Variants in CNTN4 observed in about 807,000 individuals in gnomAD.
CNTN4 encodes the protein contactin-4.
CNTN4 carries 77 observed loss-of-function variants against 122.5 expected under a neutral mutation model. That is an observed-to-expected ratio of 0.63 (90% CI 0.52 to 0.76). The LOEUF is 0.76. CNTN4 is among the 30% of genes least tolerant of loss of function. The pLI, the probability that CNTN4 is intolerant of heterozygous loss-of-function variation, is 0.00. For synonymous variants in CNTN4, 512 were observed against 447.0 expected (o/e 1.15, Z -1.83); for missense variants, 1,256 against 1,259.1 (o/e 1.00, Z 0.04).
chr3:2,575,753 C>A (rs557424884), intron 4 of CNTN4, among the ~76,000 whole-genome samples: 1 of 150,170 alleles, frequency 6.7e-6, no homozygotes, highest in Admixed American at 6.6e-5. Context: ...TGCTTGATTT[C>A]TCCTCAAAGC....
chr3:3,043,205 C>A, intron 22 of CNTN4, 42 bp downstream of exon 22: 1 of 1,569,794 alleles, frequency 6.4e-7, no homozygotes, highest in Non-Finnish European at 8.8e-7. Context: ...GGATTCATCA[C>A]ACATATCCCA....
intron 2 of CNTN4, among the ~76,000 whole-genome samples, chr3:2,164,036 G>T (rs959014779): frequency 6.6e-6 from 1 of 152,090 alleles, no homozygotes; most frequent in East Asian, 1.9e-4. Flanking sequence ...AGGGTAGGAG[G>T]TGGATGGGGG....
At chr3:2,236,625 A>T (rs1394096391) in intron 2 of CNTN4, among the ~76,000 whole-genome samples, 3 of 152,198 alleles carry the variant, frequency 2.0e-5, no homozygotes, top group African/African-American at 7.2e-5. Context: ...AATGTTAATT[A>T]TTTCCCTTGG....
At chr3:2,882,366 GAAAA>G (rs950535560) in intron 8 of CNTN4, among the ~76,000 whole-genome samples, 1 of 131,752 alleles carries the variant, frequency 7.6e-6, no homozygotes, top group Non-Finnish European at 1.6e-5. Flanking sequence ...ACTTCGTCTC[GAAAA>G]AAAAAAAAAG....
Position 3,037,208 on chromosome 3 carries a change from A to T in CNTN4, c.1972A>T (p.Thr658Ser). The T allele has an allele frequency of 6.2e-7, 1 of 1,614,168 alleles. No homozygotes were observed. Among genetic ancestry groups the T allele is most frequent in the Admixed American group, 1.7e-5 (1 of 60,022 alleles). Residue 658 changes from threonine (T) to serine (S), a missense_variant, in exon 18 of 25, where the codon ACA becomes TCA. Transcript: ENST00000418658. ...VPELIDGKTFTATVVGLNPWV... is the reference protein window; with the variant it reads ...VPELIDGKTFSATVVGLNPWV... Reference sequence around the variant, plus strand: ...AGAACTCATTGATGGGAAGACATTCACAGCGACCGTGGTGGGTTTGAACCC... The same window carrying T: ...AGAACTCATTGATGGGAAGACATTCTCAGCGACCGTGGTGGGTTTGAACCC...
rs777436418 is a variant in CNTN4, at chr3:3,034,741, C to T, written c.1893C>T (p.Val631=). ...ACCACAGCCCCATCACCATGTATGT[C>T]ATTCAAGCCAGGACTCCATTCTCCG... ...PDNHSPITMY[V]IQARTPFSVG... Residue 631 remains valine (V), a synonymous_variant, in exon 17 of 25, where the codon GTC becomes GTT. Coordinates refer to ENST00000418658, the MANE Select transcript of CNTN4 (RefSeq NM_175607.3). 1 of 1,614,116 alleles carries T rather than the reference C, an allele frequency of 6.2e-7. No individual in the cohort carries two copies. Among genetic ancestry groups the T allele is most frequent in the South Asian group, 1.1e-5 (1 of 91,076 alleles).
chr3:2,989,716 T>C (rs1694892179), intron 14 of CNTN4, among the ~76,000 whole-genome samples: 2 of 152,344 alleles, frequency 1.3e-5, no homozygotes, highest in South Asian at 4.1e-4. Flanking sequence ...AGTGTATGAC[T>C]GACTGCTTGT....
intron 4 of CNTN4, among the ~76,000 whole-genome samples, chr3:2,591,295 C>T (rs1446208008): frequency 3.3e-5 from 5 of 149,916 alleles, no homozygotes; most frequent in African/African-American, 1.2e-4. Flanking sequence ...AAATACAAGT[C>T]AAGTGCTTAG....
intron 4 of CNTN4, among the ~76,000 whole-genome samples, chr3:2,690,540 G>T (rs1472897291): frequency 2.6e-5 from 4 of 152,082 alleles, no homozygotes; most frequent in Non-Finnish European, 5.9e-5. Context: ...CATGAAAGAG[G>T]TTGCTGTTGC....
intron 13 of CNTN4, among the ~76,000 whole-genome samples, chr3:2,930,565 G>C (rs1406689433): frequency 6.6e-6 from 1 of 152,110 alleles, no homozygotes; most frequent in South Asian, 2.1e-4. Flanking sequence ...TATGCTTAAG[G>C]GTTTCCCCCC....
chr3:2,400,953 A>G (rs1409781981), intron 3 of CNTN4, among the ~76,000 whole-genome samples: 2 of 149,026 alleles, frequency 1.3e-5, no homozygotes, highest in African/African-American at 2.4e-5. Flanking sequence ...TAGACTTCTT[A>G]TAGGATAGGT....
chr3:2,314,927 A>G (rs1217927640), intron 2 of CNTN4, among the ~76,000 whole-genome samples: 1 of 152,052 alleles, frequency 6.6e-6, no homozygotes, highest in Non-Finnish European at 1.5e-5. Context: ...AAGTTATTAT[A>G]TCATGTTTCA....
At chr3:2,206,077 A>T (rs1162579594) in intron 2 of CNTN4, among the ~76,000 whole-genome samples, 1 of 152,116 alleles carries the variant, frequency 6.6e-6, no homozygotes, top group Non-Finnish European at 1.5e-5. Flanking sequence ...TTTTATAGAT[A>T]CAAGCTCTTA....
intron 2 of CNTN4, among the ~76,000 whole-genome samples, chr3:2,323,971 C>T (rs1480632586): frequency 6.6e-6 from 1 of 152,152 alleles, no homozygotes; most frequent in Non-Finnish European, 1.5e-5. Flanking sequence ...TAGAGAAGGG[C>T]TTCTCAACTT....
chr3:2,588,774 T>C (rs1221842089), intron 4 of CNTN4, among the ~76,000 whole-genome samples: 1 of 114,588 alleles, frequency 8.7e-6, no homozygotes, highest in East Asian at 2.5e-4. Flanking sequence ...AGAGGAAGCA[T>C]CTTCCAGCTC....
In CNTN4 at chr3:2,939,850, A is replaced by G. The variant is rs372776786; in HGVS notation, c.1358+14071A>G. Among the ~76,000 whole-genome samples the G allele has an allele frequency of 5.9e-5, 9 of 152,332 alleles. 1 individual carries two copies. The highest frequency in any genetic ancestry group is 3.9e-4 in the East Asian group (2 of 5,182). On this transcript the variant is annotated intron_variant, in intron 13 of 24. Coordinates refer to ENST00000418658, the MANE Select transcript of CNTN4 (RefSeq NM_175607.3). The stretch of plus-strand genomic sequence containing the variant: ...GAGCCCAGTAGCAAGGGCTCAAAAG[A>G]GTGGATTCTGCACATCCATTCCCAG...
At chr3:2,797,754 A>G (rs2092233303) in intron 6 of CNTN4, among the ~76,000 whole-genome samples, 1 of 152,180 alleles carries the variant, frequency 6.6e-6, no homozygotes, top group African/African-American at 2.4e-5. Flanking sequence ...TAATCATAAA[A>G]TATTTGTAAG....
Position 3,002,517 on chromosome 3 carries a change from G to C in CNTN4, c.1486+14045G>C, listed in dbSNP as rs377503858. Among the ~76,000 whole-genome samples the C allele has an allele frequency of 3.5e-4, 54 of 152,240 alleles. No homozygotes were observed. The South Asian group carries it at 0.011, about 32-fold the overall frequency. ...GGGTTGCAAGTAGGATAAAACTTGA[G>C]ATATGACCTACTTTTTCTACAATTT... On this transcript the variant is annotated intron_variant, in intron 14 of 24. Transcript: ENST00000418658.
intron 7 of CNTN4, among the ~76,000 whole-genome samples, chr3:2,844,085 A>G (rs145129212): frequency 0.011 from 1,649 of 152,252 alleles, 17 homozygotes; most frequent in Admixed American, 0.015. Context: ...CCCTCCTAGC[A>G]ATGGGGCCTT....
Sources: allele counts gnomAD v4.1 joint callset (sites outside exome capture counted in the v4.1 genomes callset), GRCh38; gene constraint gnomAD v4.1.1; transcripts MANE v1.5; gene names NCBI Gene and HGNC (gene_info 2026-07-23, HGNC 2026-07-21).